ADAMTS5: variants seen among roughly 807,000 people sequenced by gnomAD.
ADAMTS5 encodes the protein ADAM metallopeptidase with thrombospondin type 1 motif 5.
In ADAMTS5, 54 loss-of-function variants were observed where a neutral mutation model predicts 81.4. The observed-to-expected ratio is 0.66, with a 90% confidence interval of 0.53 to 0.83. ADAMTS5 has a LOEUF of 0.83. Among genes scored for constraint, ADAMTS5 ranks in the 40% least tolerant of loss-of-function variants. ADAMTS5 has a pLI of 0.00. For synonymous variants in ADAMTS5, 532 were observed against 508.8 expected (o/e 1.05, Z -0.61); for missense variants, 1,194 against 1,229.9 (o/e 0.97, Z 0.44).
At position 26,923,264 on chromosome 21, in the gene ADAMTS5, G is replaced by T. The variant is rs1057229474; in HGVS notation, c.*789C>A. 1 of 151,740 alleles carries T rather than the reference G, an allele frequency of 6.6e-6. No individual in the cohort carries two copies. The highest frequency in any genetic ancestry group is 1.5e-5 in the Non-Finnish European group (1 of 67,922). 9.4% of individuals were successfully genotyped at this position (151,740 alleles called of 1,614,324 possible). On this transcript the variant is annotated 3_prime_UTR_variant, in exon 8 of 8. Coordinates refer to ENST00000284987, the MANE Select transcript of ADAMTS5 (RefSeq NM_007038.5). ...CTTGAGTATGATCACACACACACAC[G>T]CAAACCCTACTTCTACATCTGAAAT...
chr21:26,966,164 G>A lies in ADAMTS5; in HGVS notation c.228C>T (p.Asn76=). ...CGCCGCCGGAGTAGAGTTGGTCGATGTTCTGCACCAGCCCCTTGCTCCTGC... is the reference window on the plus strand; with the variant it reads ...CGCCGCCGGAGTAGAGTTGGTCGATATTCTGCACCAGCCCCTTGCTCCTGC... ...QRRRSKGLVQ[N]IDQLYSGGGK... Residue 76 remains asparagine (N), a synonymous_variant, in exon 1 of 8, where the codon AAC becomes AAT. Coordinates refer to ENST00000284987, the MANE Select transcript of ADAMTS5 (RefSeq NM_007038.5). 2 of 1,609,566 alleles carry A rather than the reference G, an allele frequency of 1.2e-6. No homozygotes were observed. The highest frequency in any genetic ancestry group is 1.7e-6 in the Non-Finnish European group (2 of 1,178,264).
At position 26,921,294 on chromosome 21, in the gene ADAMTS5, G is replaced by T. The variant is rs956487694; in HGVS notation, c.*2759C>A. 1 of 152,184 alleles carries T rather than the reference G, an allele frequency of 6.6e-6. No homozygotes were observed. Among genetic ancestry groups the T allele is most frequent in the African/African-American group, 2.4e-5 (1 of 41,384 alleles). 9.4% of individuals were successfully genotyped at this position (152,184 alleles called of 1,614,324 possible). A position where few individuals can be genotyped will look rare whatever the true frequency, so the allele number is the denominator to read the frequency against. On this transcript the variant is annotated 3_prime_UTR_variant, in exon 8 of 8. Coordinates refer to ENST00000284987, the MANE Select transcript of ADAMTS5 (RefSeq NM_007038.5). ...AACAATGCCCACATATTTCTAAACAGCAAGGCAGGGCTTAATTTAAATTTT... is the reference window on the plus strand; with the variant it reads ...AACAATGCCCACATATTTCTAAACATCAAGGCAGGGCTTAATTTAAATTTT...
At position 26,952,660 on chromosome 21, in the gene ADAMTS5, C is replaced by T. The variant is rs148739278; in HGVS notation, c.1237+2079G>A. Among the ~76,000 whole-genome samples the T allele has an allele frequency of 4.8e-3, 737 of 152,324 alleles. 2 individuals are homozygous for T. Among genetic ancestry groups the T allele is most frequent in the Non-Finnish European group, 7.9e-3 (536 of 68,036 alleles). Reference sequence around the variant, plus strand: ...TTCCTTTAAGGAATGTGGAATCTTTCCTTTTGAAGATCAAGATTTGGAGCC... The same window carrying T: ...TTCCTTTAAGGAATGTGGAATCTTTTCTTTTGAAGATCAAGATTTGGAGCC... On this transcript the variant is annotated intron_variant, in intron 2 of 7. Transcript: ENST00000284987.
In ADAMTS5 at chr21:26,943,363, T is replaced by C. The variant is rs1311665186; in HGVS notation, c.1405+17A>G. On this transcript the variant is annotated intron_variant, in intron 3 of 7. Transcript: ENST00000284987. ...AAATTTTGTTTCTCAGTCTGTGTTC[T>C]CCTAAATGATACATACCATGGCCAT... is the stretch of plus-strand genomic sequence containing the variant. 6.2e-7 allele frequency: 1 copy of C among 1,602,666 alleles called. No homozygotes were observed. The highest frequency in any genetic ancestry group is 1.3e-5 in the African/African-American group (1 of 74,284).
At position 26,924,295 on chromosome 21, in the gene ADAMTS5, C is replaced by T. The variant is rs1986762570; in HGVS notation, c.2551G>A (p.Val851Ile). 3.1e-6 allele frequency: 5 copies of T among 1,613,998 alleles called. No individual in the cohort carries two copies. Among genetic ancestry groups the T allele is most frequent in the Non-Finnish European group, 3.4e-6 (4 of 1,180,038 alleles). Residue 851 changes from valine to isoleucine, a missense_variant, in exon 8 of 8, where the codon GTT becomes ATT. Physicochemically the swap from Val to Ile is conservative, Grantham distance 29 (BLOSUM62 3). Around this residue, in one of 2 missense-constraint regions of ADAMTS5, gnomAD observed 696 missense variants for 817.6 expected, o/e 0.85. Coordinates refer to ENST00000284987, the MANE Select transcript of ADAMTS5 (RefSeq NM_007038.5). ...KPLDVRYSFF[V>I]PKKSTPKVNS... is the part of the protein sequence containing the mutation. ...ACTTTTGGAGTGGACTTCTTGGGAA[C>T]AAAAAAGCTATAACGGACATCTAAT... is the stretch of plus-strand genomic sequence containing the variant.
chr21:26,950,104 C>G (rs539256850), intron 2 of ADAMTS5, among the ~76,000 whole-genome samples: 1 of 152,178 alleles, frequency 6.6e-6, no homozygotes, highest in Non-Finnish European at 1.5e-5. Context: ...GTTAAGTTGC[C>G]TGAGTTTAGC....
At chr21:26,945,067 A>C (rs2123188556) in intron 2 of ADAMTS5, among the ~76,000 whole-genome samples, 1 of 152,284 alleles carries the variant, frequency 6.6e-6, no homozygotes, top group African/African-American at 2.4e-5. Flanking sequence ...AGTATGTCCC[A>C]AATAACTTGC....
Position 26,934,515 on chromosome 21 carries a change from A to G in ADAMTS5, c.1640T>C (p.Ile547Thr). ...VEGTPCGKGR[I>T]CLQGKCVDKT... ...GTCCACACATTTGCCCTGCAGGCAG[A>G]TTCTCCCCTTTCCACAAGGCGTCCC... Residue 547 changes from isoleucine (I) to threonine (T), a missense_variant, in exon 4 of 8, where the codon ATC (isoleucine) becomes ACC (threonine). Transcript: ENST00000284987. The G allele has an allele frequency of 6.2e-7, 1 of 1,614,184 alleles. No individual in the cohort carries two copies. The highest frequency in any genetic ancestry group is 8.5e-7 in the Non-Finnish European group (1 of 1,180,036).
rs897966141 is a variant in ADAMTS5, at chr21:26,921,100, A to G, written c.*2953T>C. Reference sequence around the variant, plus strand: ...AACATATTTTTGTTAAATAAGAATAAATAATTTTATCACACAAATTCACAT... The same window carrying G: ...AACATATTTTTGTTAAATAAGAATAGATAATTTTATCACACAAATTCACAT... On this transcript the variant is annotated 3_prime_UTR_variant, in exon 8 of 8. Transcript: ENST00000284987. 2 of 152,556 alleles carry G rather than the reference A, an allele frequency of 1.3e-5. No individual in the cohort carries two copies. Among genetic ancestry groups the G allele is most frequent in the Non-Finnish European group, 2.9e-5 (2 of 67,986 alleles). 9.5% of individuals were successfully genotyped at this position (152,556 alleles called of 1,614,324 possible). A position where few individuals can be genotyped will look rare whatever the true frequency, so the allele number is the denominator to read the frequency against.
rs562707013 is a variant in ADAMTS5, at chr21:26,920,831, A to G, written c.*3222T>C. 3.7e-4 allele frequency: 57 copies of G among 152,268 alleles called. No homozygotes were observed. The highest frequency in any genetic ancestry group is 1.4e-3 in the African/African-American group (57 of 41,572). The allele number at this position is 152,268 out of a possible 1,614,324, so 9.4% of individuals were successfully genotyped here. On this transcript the variant is annotated 3_prime_UTR_variant, in exon 8 of 8. Coordinates refer to ENST00000284987, the MANE Select transcript of ADAMTS5 (RefSeq NM_007038.5). ...ATCATAGGCACAAGTAATGAACACTATTGGTCATGACAGATTAAAATTTCC... is the reference window on the plus strand; with the variant it reads ...ATCATAGGCACAAGTAATGAACACTGTTGGTCATGACAGATTAAAATTTCC...
intron 7 of ADAMTS5, among the ~76,000 whole-genome samples, chr21:26,927,776 CG>C (rs1750699178): frequency 6.6e-6 from 1 of 151,672 alleles, no homozygotes; most frequent in Admixed American, 6.6e-5. Flanking sequence ...CAGAGGTCAG[CG>C]AGAAGACTGC....
chr21:26,931,599 C>T (rs1296801074), intron 6 of ADAMTS5, among the ~76,000 whole-genome samples: 7 of 152,120 alleles, frequency 4.6e-5, no homozygotes, highest in East Asian at 1.9e-4. Flanking sequence ...CCCATCTCCA[C>T]GGCTCATCAA....
At chr21:26,939,500 A>G (rs994217159) in intron 3 of ADAMTS5, 4 of 152,240 alleles carry the variant, frequency 2.6e-5, no homozygotes, top group African/African-American at 7.2e-5. Context: ...ATACTTAACA[A>G]AAGATTCAGA....
Position 26,920,019 on chromosome 21 carries a change from A to T in ADAMTS5, c.*4034T>A, listed in dbSNP as rs1010948525. ...AGGTATTTGTAAAGCATCTTTCATTATAAAGAGATTAGTAATATTCACCAA... is the reference window on the plus strand; with the variant it reads ...AGGTATTTGTAAAGCATCTTTCATTTTAAAGAGATTAGTAATATTCACCAA... On this transcript the variant is annotated 3_prime_UTR_variant, in exon 8 of 8. Coordinates refer to ENST00000284987, the MANE Select transcript of ADAMTS5 (RefSeq NM_007038.5). 1 of 151,780 alleles carries T rather than the reference A, an allele frequency of 6.6e-6. No homozygotes were observed. The highest frequency in any genetic ancestry group is 2.4e-5 in the African/African-American group (1 of 41,088). 9.4% of individuals were successfully genotyped at this position (151,780 alleles called of 1,614,324 possible).
chr21:26,940,929 T>G (rs1007643084), intron 3 of ADAMTS5, among the ~76,000 whole-genome samples: 2 of 152,186 alleles, frequency 1.3e-5, no homozygotes, highest in African/African-American at 4.8e-5. Context: ...ATTTAAAAGT[T>G]ATTAAGTTAT....
intron 2 of ADAMTS5, among the ~76,000 whole-genome samples, chr21:26,951,734 A>C (rs1987322456): frequency 6.9e-6 from 1 of 145,396 alleles, no homozygotes; most frequent in Admixed American, 6.9e-5. Context: ...TTAGGAAGAG[A>C]GAAGATTGCA....
chr21:26,932,578 G>C (rs1330031872), intron 5 of ADAMTS5, among the ~76,000 whole-genome samples: 1 of 152,058 alleles, frequency 6.6e-6, no homozygotes, highest in East Asian at 1.9e-4. Context: ...GTGTGCACCT[G>C]TAATCCCGGC....
At chr21:26,942,903 G>A (rs971560269) in intron 3 of ADAMTS5, among the ~76,000 whole-genome samples, 4 of 152,158 alleles carry the variant, frequency 2.6e-5, no homozygotes, top group African/African-American at 9.7e-5. Flanking sequence ...TCTAGTCAGT[G>A]CAAATCTAGA....
At chr21:26,948,336 C>A (rs74921574) in intron 2 of ADAMTS5, among the ~76,000 whole-genome samples, 3,967 of 152,302 alleles carry the variant, frequency 0.026, 178 homozygotes, top group African/African-American at 0.09. Flanking sequence ...TGATCCCAAA[C>A]TGACCAATGG....
Sources: allele counts gnomAD v4.1 joint callset (sites outside exome capture counted in the v4.1 genomes callset), GRCh38; gene constraint gnomAD v4.1.1; regional missense constraint gnomAD v4.1.1; transcripts MANE v1.5; gene names NCBI Gene and HGNC (gene_info 2026-07-23, HGNC 2026-07-21).